The following DDX49 variants were observed in gnomAD, a reference collection of about 807,000 sequenced individuals.
DDX49 encodes DEAD-box helicase 49, also known as probable ATP-dependent RNA helicase DDX49.
Under a neutral mutation model 56.3 loss-of-function variants are expected in DDX49, and 50 were observed. The observed-to-expected ratio is 0.89, with a 90% CI of 0.71 to 1.12. DDX49 has a LOEUF of 1.12. DDX49 is among the 50% of genes most tolerant of loss of function. The pLI, the probability that DDX49 is intolerant of heterozygous loss-of-function variation, is 0.00. For synonymous variants in DDX49, 269 were observed against 270.6 expected, an observed-to-expected ratio of 0.99 and a Z score of 0.06; for missense variants, 614 against 650.5, an observed-to-expected ratio of 0.94 and a Z score of 0.61.
At chr19:18,920,392 A>G (rs75693456) in intron 1 of DDX49, among the ~76,000 whole-genome samples, 188 bp from the exon 2 acceptor site, 1 of 152,210 alleles carries the variant, frequency 6.6e-6, no homozygotes, top group African/African-American at 2.4e-5. Flanking sequence ...GGAATTCTGG[A>G]TTCCCCAAAT....
At chr19:18,922,783 A>G in intron 6 of DDX49, 39 bp downstream of exon 6, 1 of 1,598,810 alleles carries the variant, frequency 6.3e-7, no homozygotes, top group Non-Finnish European at 8.6e-7. Context: ...CCGCCCTTCA[A>G]AGGAGGAGGT....
At position 18,924,232 on chromosome 19, in the gene DDX49, G is replaced by C. The variant is rs112705706; in HGVS notation, c.777-1G>C. On this transcript the variant is annotated splice_acceptor_variant, in intron 6 of 12. Coordinates refer to ENST00000247003, the MANE Select transcript of DDX49 (RefSeq NM_019070.5). LOFTEE classifies it high-confidence loss of function. ...GTTGACAGGCACATCCTTCCCGCCAGGACCTGCCAGATTCTGTGCATGATG... is the reference window on the plus strand; with the variant it reads ...GTTGACAGGCACATCCTTCCCGCCACGACCTGCCAGATTCTGTGCATGATG... The C allele has an allele frequency of 6.2e-7, 1 of 1,613,960 alleles. No individual in the cohort carries two copies. Among genetic ancestry groups the C allele is most frequent in the Non-Finnish European group, 8.5e-7 (1 of 1,179,992 alleles).
In DDX49 at chr19:18,921,732, C is replaced by T; in HGVS notation, c.309C>T (p.Ile103=). The part of the protein sequence containing the change: ...LGKPLGLKDC[I]IVGGMDMVAQ... ...AGCCTCTAGGGCTGAAAGACTGCAT[C>T]ATCGTCGGTGGCATGGGTACGGGAG... Residue 103 remains isoleucine (I), a synonymous_variant, in exon 3 of 13, where the codon ATC becomes ATT. Coordinates refer to ENST00000247003, the MANE Select transcript of DDX49 (RefSeq NM_019070.5). The T allele has an allele frequency of 6.2e-7, 1 of 1,614,130 alleles. No individual in the cohort carries two copies. The highest frequency in any genetic ancestry group is 8.5e-7 in the Non-Finnish European group (1 of 1,180,006).
intron 4 of DDX49, 131 bp downstream of exon 4, chr19:18,922,095 G>C (rs2056922604): frequency 7.5e-7 from 1 of 1,334,568 alleles, no homozygotes; most frequent in Non-Finnish European, 1.0e-6. Flanking sequence ...AAAACGCTAG[G>C]AACAGTGACA....
In DDX49 at chr19:18,928,357, G is replaced by T; in HGVS notation, c.*41G>T. ...CTGCCCAGTCCTTGACTCGTCCATGGAGCTGAGGGTCGGAGGAACCTTCCT... is the reference window on the plus strand; with the variant it reads ...CTGCCCAGTCCTTGACTCGTCCATGTAGCTGAGGGTCGGAGGAACCTTCCT... On this transcript the variant is annotated 3_prime_UTR_variant, in exon 13 of 13. Transcript: ENST00000247003. 1 of 1,462,112 alleles carries T rather than the reference G, an allele frequency of 6.8e-7. No individual in the cohort carries two copies. Among genetic ancestry groups the T allele is most frequent in the Non-Finnish European group, 9.0e-7 (1 of 1,107,314 alleles). 90.6% of individuals were successfully genotyped at this position (1,462,112 alleles called of 1,614,324 possible). A position where few individuals can be genotyped will look rare whatever the true frequency, so the allele number is the denominator to read the frequency against.
chr19:18,927,735 A>ACCCC, intron 10 of DDX49, 31 bp from the exon 11 acceptor site: 2 of 1,113,774 alleles, frequency 1.8e-6, no homozygotes, highest in South Asian at 1.3e-5. Flanking sequence ...TCTCCTCCCC[A>ACCCC]CCCCCACCCC....
chr19:18,924,993 G>A lies in DDX49; in HGVS notation c.1027+14G>A, dbSNP rs757336578. ...CGGCCCGTGCAGGTGAGCAGTGGAG[G>A]GGGAGGCCGAGCCTTGGGCCTCTGT... is the stretch of plus-strand genomic sequence containing the variant. On this transcript the variant is annotated intron_variant, in intron 9 of 12. Coordinates refer to ENST00000247003, the MANE Select transcript of DDX49 (RefSeq NM_019070.5). 5.6e-6 allele frequency: 9 copies of A among 1,607,596 alleles called. No individual in the cohort carries two copies. The highest frequency in any genetic ancestry group is 6.8e-6 in the Non-Finnish European group (8 of 1,179,154).
rs1277363789 is a variant in DDX49 at position 18,927,945 on chromosome 19, AC to A, written c.1192-16del. On this transcript the variant is annotated intron_variant, in intron 11 of 12. Transcript: ENST00000247003. ...GGGCCCCCGTGACCAGCATCTCCTT[AC>A]CCCACTTCCCTCCACCAGAAACTGG... The A allele has an allele frequency of 6.2e-7, 1 of 1,613,334 alleles. No homozygotes were observed. Among genetic ancestry groups the A allele is most frequent in the East Asian group, 2.2e-5 (1 of 44,790 alleles).
rs1173983664 is a variant in DDX49, at chr19:18,926,301, A to C, written c.1028-2A>C. The C allele has an allele frequency of 1.3e-6, 2 of 1,564,610 alleles. No individual in the cohort carries two copies. Among genetic ancestry groups the C allele is most frequent in the African/African-American group, 2.7e-5 (2 of 73,754 alleles). ...TAGCAGATAACCGGCACATCCCCACAGGGCGGCAGGGTCAGGCCATCACGC... is the reference window on the plus strand; with the variant it reads ...TAGCAGATAACCGGCACATCCCCACCGGGCGGCAGGGTCAGGCCATCACGC... On this transcript the variant is annotated splice_acceptor_variant, in intron 9 of 12. Transcript: ENST00000247003. LOFTEE classifies it high-confidence loss of function.
At chr19:18,924,819 G>C (rs1402675265) in intron 8 of DDX49, 63 bp from the exon 9 acceptor site, 2 of 1,612,212 alleles carry the variant, frequency 1.2e-6, no homozygotes, top group South Asian at 2.2e-5. Flanking sequence ...GTGACCCTGG[G>C]TGAGTCCTTG....
chr19:18,921,533 A>G, intron 2 of DDX49, 130 bp from the exon 3 acceptor site: 1 of 844,738 alleles, frequency 1.2e-6, no homozygotes, highest in Non-Finnish European at 1.9e-6. Context: ...TCAGCATCAG[A>G]GCCTTTGTGA....
chr19:18,921,413 A>T (rs2056916215), intron 2 of DDX49, among the ~76,000 whole-genome samples: 1 of 152,116 alleles, frequency 6.6e-6, no homozygotes, highest in Non-Finnish European at 1.5e-5. Context: ...GGGAAGGCAC[A>T]GGTTTGGGAT....
chr19:18,927,519 C>T (rs928331687), intron 10 of DDX49, among the ~76,000 whole-genome samples: 3 of 152,144 alleles, frequency 2.0e-5, no homozygotes, highest in East Asian at 1.9e-4. Flanking sequence ...ACCCGGGAGG[C>T]GGATGTTGCA....
chr19:18,924,773 C>T, intron 8 of DDX49, 74 bp downstream of exon 8: 2 of 1,613,076 alleles, frequency 1.2e-6, no homozygotes, highest in Non-Finnish European at 8.5e-7. Flanking sequence ...GAAGGCTGGC[C>T]TCAGGCATGT....
At position 18,921,838 on chromosome 19, in the gene DDX49, C is replaced by A. The variant is rs180745526; in HGVS notation, c.326-5C>A. 1,060 of 1,613,994 alleles carry A rather than the reference C, an allele frequency of 6.6e-4. 18 individuals are homozygous for A. In the East Asian group the frequency reaches 0.022, roughly 34 times the overall value. On this transcript the variant is annotated splice_polypyrimidine_tract_variant and splice_region_variant and intron_variant, in intron 3 of 12. Transcript: ENST00000247003. ...CAGCCCTGCCTCTCATGCTCTGTCC[C>A]CCAGACATGGTGGCCCAGGCGCTGG...
chr19:18,923,809 C>CTTT (rs1214454256), intron 6 of DDX49, among the ~76,000 whole-genome samples: 11 of 130,144 alleles, frequency 8.5e-5, no homozygotes, highest in African/African-American at 1.4e-4. Flanking sequence ...CATCCTGCCT[C>CTTT]TTTTTTTTTT....
rs762567941 is a variant in DDX49 at position 18,928,215 on chromosome 19, C to T, written c.1351C>T (p.Leu451=). ...RRFKEKVEET[L]KRQKAGRAGH... ...CTTCAAGGAGAAGGTGGAGGAGACGCTGAAGCGACAGAAGGCTGGCAGGGC... is the reference window on the plus strand; with the variant it reads ...CTTCAAGGAGAAGGTGGAGGAGACGTTGAAGCGACAGAAGGCTGGCAGGGC... The change falls in exon 13 of 13, where the codon CTG becomes TTG. Residue 451 remains leucine (L), a synonymous_variant. Transcript: ENST00000247003. 3.8e-6 allele frequency: 6 copies of T among 1,586,928 alleles called. No homozygotes were observed. Among genetic ancestry groups the T allele is most frequent in the Non-Finnish European group, 4.3e-6 (5 of 1,166,698 alleles).
intron 2 of DDX49, chr19:18,920,986 CA>C: frequency 4.8e-6 from 1 of 206,722 alleles, no homozygotes; most frequent in Non-Finnish European, 1.0e-5. Flanking sequence ...ACTAAAAATA[CA>C]AAAAATTAGC....
Position 18,922,775 on chromosome 19 carries a change from G to A in DDX49, c.776+31G>A, listed in dbSNP as rs554962892. 97 of 1,601,564 alleles carry A rather than the reference G, an allele frequency of 6.1e-5. 2 individuals carry two copies. The highest frequency in any genetic ancestry group is 1.5e-4 in the African/African-American group (11 of 74,822). The stretch of plus-strand genomic sequence containing the variant: ...CGGGGCCCGCCTCTCCCCTCCCACC[G>A]CCCTTCAAAGGAGGAGGTGGCCCGA... On this transcript the variant is annotated intron_variant, in intron 6 of 12. Coordinates refer to ENST00000247003, the MANE Select transcript of DDX49 (RefSeq NM_019070.5).
Sources: allele counts gnomAD v4.1 joint callset (sites outside exome capture counted in the v4.1 genomes callset), GRCh38; gene constraint gnomAD v4.1.1; transcripts MANE v1.5; gene names NCBI Gene and HGNC (gene_info 2026-07-23, HGNC 2026-07-21).